SOX6: variants seen among roughly 807,000 people sequenced by gnomAD.
SOX6 encodes SRY-box transcription factor 6.
Under a neutral mutation model 97.8 loss-of-function variants are expected in SOX6, and 11 were observed. The observed-to-expected ratio is 0.11, with a 90% CI of 0.07 to 0.19. The LOEUF is 0.19. SOX6 is among the 10% of genes least tolerant of loss of function. The pLI, the probability that SOX6 is intolerant of heterozygous loss-of-function variation, is 1.00. For synonymous variants in SOX6, 360 were observed against 371.4 expected (o/e 0.97, Z 0.35); for missense variants, 810 against 1,039.5 (o/e 0.78, Z 3.04).
At chr11:16,224,907 GA>G (rs1477513874) in intron 4 of SOX6, among the ~76,000 whole-genome samples, 1 of 151,948 alleles carries the variant, frequency 6.6e-6, no homozygotes, top group Non-Finnish European at 1.5e-5. Context: ...ATCCTTATAT[GA>G]AAAGTAAGAA....
intron 13 of SOX6, among the ~76,000 whole-genome samples, chr11:15,995,404 C>T (rs1297037126): frequency 6.6e-6 from 1 of 152,120 alleles, no homozygotes; most frequent in Non-Finnish European, 1.5e-5. Flanking sequence ...ACGTGTGCAG[C>T]AGGTAATTTA....
At chr11:16,561,420 A>G (rs1589986034) in intron 4 of SOX6, among the ~76,000 whole-genome samples, 1 of 152,122 alleles carries the variant, frequency 6.6e-6, no homozygotes, top group East Asian at 1.9e-4. Context: ...TATTTAGTTT[A>G]GCCCAACAGA....
intron 4 of SOX6, among the ~76,000 whole-genome samples, chr11:16,221,902 TA>T (rs1852549049): frequency 6.6e-6 from 1 of 152,160 alleles, no homozygotes; most frequent in Non-Finnish European, 1.5e-5. Flanking sequence ...GATTTTAATA[TA>T]AAAGTATGAA....
intron 6 of SOX6, among the ~76,000 whole-genome samples, chr11:16,133,861 G>A (rs942868681): frequency 2.0e-5 from 3 of 151,968 alleles, no homozygotes; most frequent in African/African-American, 7.2e-5. Context: ...GCTAATTTTT[G>A]CATTTAGTAG....
intron 1 of SOX6, among the ~76,000 whole-genome samples, chr11:16,464,956 A>G (rs926105722): frequency 1.3e-5 from 2 of 152,210 alleles, no homozygotes; most frequent in Non-Finnish European, 2.9e-5. Context: ...ACATCTTAAA[A>G]AAGTCCTCAA....
intron 6 of SOX6, among the ~76,000 whole-genome samples, chr11:16,156,902 G>T (rs2134064204): frequency 6.6e-6 from 1 of 151,938 alleles, no homozygotes. Context: ...TTTCTTCATA[G>T]AATTTATCAC....
At chr11:16,376,161 A>G (rs1035013667) in intron 1 of SOX6, among the ~76,000 whole-genome samples, 3 of 152,180 alleles carry the variant, frequency 2.0e-5, no homozygotes, top group African/African-American at 7.2e-5. Context: ...CATGTATCCC[A>G]GAACTTAAAG....
At position 16,472,075 on chromosome 11, in the gene SOX6, C is replaced by A. The variant is rs528403973; in HGVS notation, c.-5+4240G>T. On this transcript the variant is annotated intron_variant, in intron 1 of 15. Coordinates refer to the SOX6 transcript ENST00000396356. ...TGTTAAGTCAAAAGAAAGTGATCAG[C>A]TACTTGGATCACCACCATTCAAAGT... Among the ~76,000 whole-genome samples, 4 of 152,282 alleles carry A rather than the reference C, an allele frequency of 2.6e-5. No homozygotes were observed. In the East Asian group the frequency reaches 7.7e-4, roughly 29 times the overall value.
chr11:16,522,929 A>G (rs907276858), intron 4 of SOX6, among the ~76,000 whole-genome samples: 310 of 152,348 alleles, frequency 2.0e-3, no homozygotes, highest in South Asian at 4.4e-3. Context: ...AAGAAGAGCT[A>G]ACTATCCTAA....
intron 3 of SOX6, among the ~76,000 whole-genome samples, chr11:16,689,365 T>C (rs905573431): frequency 4.6e-5 from 7 of 152,230 alleles, no homozygotes; most frequent in African/African-American, 1.7e-4. Context: ...GTGCCATACA[T>C]AGCCTGAAAA....
intron 6 of SOX6, among the ~76,000 whole-genome samples, chr11:16,132,686 C>A (rs900439300): frequency 4.1e-5 from 6 of 147,294 alleles, no homozygotes; most frequent in Admixed American, 1.4e-4. Context: ...CTTGAGCTAT[C>A]GGGTTACCTT....
At chr11:16,660,401 T>G (rs1204232866) in intron 3 of SOX6, among the ~76,000 whole-genome samples, 5 of 152,226 alleles carry the variant, frequency 3.3e-5, no homozygotes, top group African/African-American at 1.2e-4. Context: ...CATTTTGGAA[T>G]TTTTCCACTA....
At chr11:16,139,829 T>A (rs1447550688) in intron 6 of SOX6, among the ~76,000 whole-genome samples, 1 of 151,708 alleles carries the variant, frequency 6.6e-6, no homozygotes, top group Non-Finnish European at 1.5e-5. Flanking sequence ...GACATATATA[T>A]ATAAAACCAC....
chr11:16,314,318 A>G (rs1432037491), intron 3 of SOX6: 2 of 151,968 alleles, frequency 1.3e-5, no homozygotes, highest in African/African-American at 4.8e-5. Flanking sequence ...GTCTATATAA[A>G]TCCTTTCATT....
chr11:16,055,311 G>C (rs1847786708), intron 10 of SOX6, among the ~76,000 whole-genome samples: 1 of 151,910 alleles, frequency 6.6e-6, no homozygotes, highest in African/African-American at 2.4e-5. Context: ...GAACCATACA[G>C]AGTCCGACAT....
At chr11:16,611,649 T>G (rs1848400235) in intron 4 of SOX6, among the ~76,000 whole-genome samples, 1 of 152,214 alleles carries the variant, frequency 6.6e-6, no homozygotes, top group Non-Finnish European at 1.5e-5. Context: ...ACAGTGCCCT[T>G]GGGACTCTGC....
At chr11:16,502,668 A>G (rs1018139032) in intron 4 of SOX6, among the ~76,000 whole-genome samples, 1 of 152,178 alleles carries the variant, frequency 6.6e-6, no homozygotes, top group Admixed American at 6.5e-5. Flanking sequence ...TCAGATTAAA[A>G]TAAAGAAAAA....
intron 3 of SOX6, among the ~76,000 whole-genome samples, chr11:16,259,973 G>GTGTGTGTA (rs71044090): frequency 1.0e-4 from 15 of 145,276 alleles, no homozygotes; most frequent in South Asian, 2.2e-4. Flanking sequence ...GTGTGTGTGT[G>GTGTGTGTA]TATATATACA....
At chr11:16,088,800 G>A (rs1157320987) in intron 9 of SOX6, among the ~76,000 whole-genome samples, 1 of 152,174 alleles carries the variant, frequency 6.6e-6, no homozygotes, top group African/African-American at 2.4e-5. Flanking sequence ...GGTGACAGCA[G>A]CTCTATTTCA....
Sources: allele counts gnomAD v4.1 joint callset (sites outside exome capture counted in the v4.1 genomes callset), GRCh38; gene constraint gnomAD v4.1.1; transcripts MANE v1.5; gene names NCBI Gene and HGNC (gene_info 2026-07-23, HGNC 2026-07-21).